Variants in CHODL observed in about 807,000 individuals in gnomAD.
CHODL encodes chondrolectin, also known as transmembrane protein MT75.
A neutral mutation model predicts 34.5 loss-of-function variants in CHODL; 29 were observed. The ratio of observed to expected loss-of-function variants is 0.84; its 90% CI spans 0.63 to 1.15. The LOEUF (loss-of-function observed/expected upper bound fraction) is 1.15. CHODL is among the 50% of genes most tolerant of loss of function. The pLI is 0.00. For synonymous variants in CHODL, 125 were observed against 116.1 expected, an observed-to-expected ratio of 1.08 and a Z score of -0.49; for missense variants, 332 against 332.5, an observed-to-expected ratio of 1.00 and a Z score of 0.01.
intron 2 of CHODL, among the ~76,000 whole-genome samples, chr21:18,094,107 CTG>C (rs1481476315): frequency 6.6e-6 from 1 of 152,010 alleles, no homozygotes; most frequent in African/African-American, 2.4e-5. Context: ...AAGACAAAAA[CTG>C]TAAGAAGAGA....
intron 1 of CHODL, among the ~76,000 whole-genome samples, chr21:18,246,573 G>C (rs1282406159): frequency 6.6e-6 from 1 of 152,122 alleles, no homozygotes; most frequent in African/African-American, 2.4e-5. Context: ...TCCTCCCTAA[G>C]TTAGCTGCAA....
At chr21:18,221,460 G>A (rs1311184097) in intron 2 of CHODL, among the ~76,000 whole-genome samples, 2 of 151,982 alleles carry the variant, frequency 1.3e-5, no homozygotes, top group Non-Finnish European at 2.9e-5. Context: ...AATTTTTAAT[G>A]TTTCTTACTT....
At chr21:18,086,177 T>G (rs2065005476) in intron 2 of CHODL, among the ~76,000 whole-genome samples, 1 of 151,702 alleles carries the variant, frequency 6.6e-6, no homozygotes. Context: ...TTTCTTTCAA[T>G]GAATTTATTT....
In CHODL at chr21:18,192,997, T is replaced by C. The variant is rs190936654; in HGVS notation, c.-44-63512T>C. ...AAATTACTTTTATACCACATAGCAT[T>C]GCTCTTTAGCATCTTGTATAGTAGC... On this transcript the variant is annotated intron_variant, in intron 2 of 6. Coordinates refer to the CHODL transcript ENST00000400127. 3.1e-4 allele frequency among the ~76,000 whole-genome samples: 47 copies of C among 152,320 alleles called. No individual in the cohort carries two copies. In the South Asian group the frequency reaches 7.9e-3, roughly 25 times the overall value.
chr21:18,085,098 G>A (rs1209814946), intron 2 of CHODL, among the ~76,000 whole-genome samples: 2 of 151,824 alleles, frequency 1.3e-5, no homozygotes, highest in Admixed American at 1.3e-4. Flanking sequence ...TTTAAATATA[G>A]GTAGTCCTGT....
intron 1 of CHODL, chr21:18,024,817 G>A (rs1302386039): frequency 1.3e-5 from 2 of 152,102 alleles, no homozygotes; most frequent in African/African-American, 2.4e-5. Context: ...GAGGATGGTG[G>A]AGTTGCATTC....
At chr21:18,210,255 G>T (rs2073758339) in intron 2 of CHODL, among the ~76,000 whole-genome samples, 1 of 152,132 alleles carries the variant, frequency 6.6e-6, no homozygotes, top group East Asian at 1.9e-4. Flanking sequence ...GTTGCTTTCT[G>T]CTGTGACAGA....
At chr21:17,949,837 G>A (rs931015283) in intron 1 of CHODL, among the ~76,000 whole-genome samples, 5 of 152,140 alleles carry the variant, frequency 3.3e-5, no homozygotes, top group African/African-American at 1.2e-4. Flanking sequence ...CTAGCTCCTA[G>A]TTAAGGGAAA....
Position 18,056,330 on chromosome 21 carries a change from AT to A in CHODL, c.-45+28365del, listed in dbSNP as rs1178367453. ...TTTATCTTTTAATAAAAGAGAAATAATTTTTTATCTTAAAATAAATTTTTAT... is the reference window on the plus strand; with the variant it reads ...TTTATCTTTTAATAAAAGAGAAATAATTTTTATCTTAAAATAAATTTTTAT... On this transcript the variant is annotated intron_variant, in intron 2 of 6. Coordinates refer to the CHODL transcript ENST00000400127. Among the ~76,000 whole-genome samples, 7 of 151,800 alleles carry A rather than the reference AT, an allele frequency of 4.6e-5. No homozygotes were observed. In the South Asian group the frequency reaches 8.3e-4, roughly 18 times the overall value.
intron 2 of CHODL, among the ~76,000 whole-genome samples, chr21:18,086,703 A>G (rs2146522865): frequency 6.6e-6 from 1 of 152,308 alleles, no homozygotes; most frequent in African/African-American, 2.4e-5. Flanking sequence ...TTTATCACCA[A>G]CTGACCCAGT....
At chr21:18,133,219 G>A (rs2072678832) in intron 2 of CHODL, among the ~76,000 whole-genome samples, 1 of 151,996 alleles carries the variant, frequency 6.6e-6, no homozygotes, top group Non-Finnish European at 1.5e-5. Flanking sequence ...AATCCCTTCT[G>A]GATTCCTCTG....
At chr21:17,940,275 A>G (rs1169476459) in intron 1 of CHODL, among the ~76,000 whole-genome samples, 1 of 152,254 alleles carries the variant, frequency 6.6e-6, no homozygotes, top group Non-Finnish European at 1.5e-5. Flanking sequence ...TCTATTATTC[A>G]TAACAGGCAA....
At chr21:18,041,860 T>G (rs2064379656) in intron 2 of CHODL, among the ~76,000 whole-genome samples, 1 of 151,924 alleles carries the variant, frequency 6.6e-6, no homozygotes, top group Non-Finnish European at 1.5e-5. Flanking sequence ...CTTTTATATG[T>G]GCTAAAGGGA....
At position 18,210,700 on chromosome 21, in the gene CHODL, G is replaced by T. The variant is rs542030472; in HGVS notation, c.-44-45809G>T. ...TTATCACTTCCATAGCTACTACCTT[G>T]GTTAGGCTGCTATCATTTCTTACAT... On this transcript the variant is annotated intron_variant, in intron 2 of 6. Transcript: ENST00000400127. Among the ~76,000 whole-genome samples, 41 of 152,212 alleles carry T rather than the reference G, an allele frequency of 2.7e-4. 2 individuals carry two copies. In the South Asian group the frequency reaches 8.1e-3, roughly 30 times the overall value.
At chr21:17,997,468 AT>A (rs748553272) in intron 1 of CHODL, among the ~76,000 whole-genome samples, 13 of 152,194 alleles carry the variant, frequency 8.5e-5, no homozygotes, top group Non-Finnish European at 1.8e-4. Flanking sequence ...ATATTGGAAA[AT>A]GACTCTTTTG....
intron 3 of CHODL, among the ~76,000 whole-genome samples, chr21:18,259,457 G>T (rs142233818): frequency 6.6e-6 from 1 of 152,180 alleles, no homozygotes; most frequent in East Asian, 1.9e-4. Flanking sequence ...GTGCAGCACC[G>T]CACCATGGCA....
intron 2 of CHODL, among the ~76,000 whole-genome samples, chr21:18,215,447 G>C (rs2824706): frequency 0.26 from 39,108 of 151,980 alleles, 5,429 homozygotes; most frequent in African/African-American, 0.37. Flanking sequence ...AAAGAGGCAT[G>C]GTCTTGACGA....
chr21:18,014,227 T>G (rs1028470685), intron 1 of CHODL, among the ~76,000 whole-genome samples: 2 of 152,124 alleles, frequency 1.3e-5, no homozygotes, highest in Admixed American at 6.5e-5. Flanking sequence ...GGAATTAACT[T>G]AGGTGCCCAT....
intron 1 of CHODL, among the ~76,000 whole-genome samples, chr21:17,977,239 C>T (rs2063670566): frequency 6.6e-6 from 1 of 152,140 alleles, no homozygotes; most frequent in Non-Finnish European, 1.5e-5. Context: ...GTTCTTTATA[C>T]TCTGCCATCT....
Sources: allele counts gnomAD v4.1 joint callset (sites outside exome capture counted in the v4.1 genomes callset), GRCh38; gene constraint gnomAD v4.1.1; transcripts MANE v1.5; gene names NCBI Gene and HGNC (gene_info 2026-07-23, HGNC 2026-07-21).